The following LONP2 variants were observed in gnomAD, a reference collection of about 807,000 sequenced individuals.
LONP2 encodes the protein lon peptidase 2, peroxisomal, also known as lon protease homolog 2, peroxisomal.
In LONP2, 60 loss-of-function variants were observed where a neutral mutation model predicts 85.6. The observed-to-expected ratio is 0.70, with a 90% CI of 0.57 to 0.87. LONP2 has a LOEUF of 0.87. Ranked by LOEUF, LONP2 falls within the 40% of genes least tolerant of loss-of-function variation. LONP2 has a pLI of 0.00. For synonymous variants in LONP2, 395 were observed against 389.7 expected, an observed-to-expected ratio of 1.01 and a Z score of -0.16; for missense variants, 860 against 1,063.5, an observed-to-expected ratio of 0.81 and a Z score of 2.66.
chr16:48,315,076 T>C (rs1201657204), intron 11 of LONP2, among the ~76,000 whole-genome samples: 1 of 152,250 alleles, frequency 6.6e-6, no homozygotes, highest in East Asian at 1.9e-4. Flanking sequence ...GATAAAAGCC[T>C]ATGAAGAAAT....
At chr16:48,278,404 C>G (rs1424058044) in intron 8 of LONP2, among the ~76,000 whole-genome samples, 1 of 152,140 alleles carries the variant, frequency 6.6e-6, no homozygotes, top group Admixed American at 6.6e-5. Flanking sequence ...ATTTCTTGCT[C>G]TTTCTTGGTC....
downstream of LONP2, among the ~76,000 whole-genome samples, chr16:48,358,944 TTAATAG>T (rs1346090181): frequency 2.6e-5 from 4 of 152,134 alleles, no homozygotes; most frequent in Admixed American, 6.6e-5. Flanking sequence ...ATCAAAACAC[TTAATAG>T]TAAAACTACA....
Position 48,347,686 on chromosome 16 carries a change from C to T in LONP2, c.2118C>T (p.Ser706=). The T allele has an allele frequency of 1.9e-6, 3 of 1,613,892 alleles. No homozygotes were observed. Among genetic ancestry groups the T allele is most frequent in the Non-Finnish European group, 2.5e-6 (3 of 1,179,968 alleles). Residue 706 remains serine (S), a synonymous_variant, in exon 13 of 15, where the codon AGC becomes AGT. Transcript: ENST00000285737. The part of the protein sequence containing the change: ...SAHLAISWLR[S]NAKKYQLTNA... ...ACCTCGCTATCAGCTGGCTCCGCAG[C>T]AACGCAAAGAAGTACCAGCTGACCA...
chr16:48,347,839 G>A (rs1435854772), intron 13 of LONP2, 125 bp downstream of exon 13: 2 of 924,250 alleles, frequency 2.2e-6, no homozygotes, highest in African/African-American at 1.7e-5. Context: ...TTGAACCCCT[G>A]TGGAAATCCT....
chr16:48,330,568 G>C (rs182972540), intron 11 of LONP2, among the ~76,000 whole-genome samples: 1 of 152,302 alleles, frequency 6.6e-6, no homozygotes, highest in East Asian at 1.9e-4. Context: ...TGATATCTTT[G>C]TGAGATGACA....
chr16:48,283,608 C>G (rs2150986391), intron 8 of LONP2, among the ~76,000 whole-genome samples: 1 of 152,252 alleles, frequency 6.6e-6, no homozygotes, highest in East Asian at 1.9e-4. Flanking sequence ...GTACTTTAAG[C>G]CCACTGTTGA....
intron 11 of LONP2, among the ~76,000 whole-genome samples, chr16:48,322,439 C>T (rs1973285631): frequency 6.6e-6 from 1 of 152,208 alleles, no homozygotes; most frequent in East Asian, 1.9e-4. Context: ...TCCACTTCCA[C>T]ATCTTGGCCC....
chr16:48,323,657 CA>C (rs34757576), intron 11 of LONP2, among the ~76,000 whole-genome samples: 1,517 of 72,598 alleles, frequency 0.021, 15 homozygotes, highest in African/African-American at 0.065. Context: ...ACTCTGTCTC[CA>C]AAAAAAAAAA....
At position 48,354,087 on chromosome 16, in the gene LONP2, G is replaced by A. The variant is rs1960245348; in HGVS notation, c.*2285G>A. On this transcript the variant is annotated 3_prime_UTR_variant, in exon 15 of 15. Transcript: ENST00000285737. ...CCTGGGTTTTTTTTTTTTGGGGGGG[G>A]TGGGGGGTTAGGGGTGGGGCGGGTG... The A allele has an allele frequency of 7.8e-6, 1 of 128,858 alleles. No individual in the cohort carries two copies. Among genetic ancestry groups the A allele is most frequent in the African/African-American group, 3.0e-5 (1 of 33,222 alleles). 8.0% of individuals were successfully genotyped at this position (128,858 alleles called of 1,614,324 possible). A position where few individuals can be genotyped will look rare whatever the true frequency, so the allele number is the denominator to read the frequency against.
intron 12 of LONP2, among the ~76,000 whole-genome samples, chr16:48,341,232 G>A (rs956619262): frequency 3.3e-5 from 5 of 152,084 alleles, no homozygotes; most frequent in Non-Finnish European, 4.4e-5. Flanking sequence ...CCCAGGAGGC[G>A]GAGGTTGCAA....
At chr16:48,248,048 T>G (rs1220305496) in intron 1 of LONP2, among the ~76,000 whole-genome samples, 1 of 152,198 alleles carries the variant, frequency 6.6e-6, no homozygotes, top group Non-Finnish European at 1.5e-5. Context: ...AAATTTATCC[T>G]TTAAATTTTA....
At chr16:48,334,543 G>A (rs1959579383) in intron 12 of LONP2, 185 bp downstream of exon 12, 5 of 728,572 alleles carry the variant, frequency 6.9e-6, no homozygotes, top group Admixed American at 2.1e-5. Context: ...CTGCATGGGG[G>A]CGCAGGCGAG....
intron 11 of LONP2, among the ~76,000 whole-genome samples, chr16:48,325,583 G>A (rs1473283662): frequency 6.6e-6 from 1 of 152,186 alleles, no homozygotes; most frequent in African/African-American, 2.4e-5. Flanking sequence ...TGCCACATGT[G>A]ACAGGATTTT....
At chr16:48,331,780 G>T (rs551101821) in intron 11 of LONP2, among the ~76,000 whole-genome samples, 2 of 152,236 alleles carry the variant, frequency 1.3e-5, no homozygotes, top group South Asian at 4.1e-4. Flanking sequence ...TAGCCAGGAT[G>T]GTCTCGATCT....
downstream of LONP2, among the ~76,000 whole-genome samples, chr16:48,358,533 A>T (rs1002027752): frequency 6.6e-6 from 1 of 152,238 alleles, no homozygotes; most frequent in Non-Finnish European, 1.5e-5. Context: ...TTTGAAAATA[A>T]ACATGTGGCT....
At chr16:48,254,427 A>G (rs1971715318) in intron 2 of LONP2, among the ~76,000 whole-genome samples, 1 of 149,018 alleles carries the variant, frequency 6.7e-6, no homozygotes, top group Non-Finnish European at 1.5e-5. Flanking sequence ...GCAGTGGTGC[A>G]ATTTCGGCTC....
chr16:48,328,116 T>G (rs1473471836), intron 11 of LONP2, among the ~76,000 whole-genome samples: 1 of 152,006 alleles, frequency 6.6e-6, no homozygotes, highest in African/African-American at 2.4e-5. Context: ...AAAGGAAAAC[T>G]AAGAATGAAA....
intron 14 of LONP2, among the ~76,000 whole-genome samples, chr16:48,349,354 T>C (rs1264199638): frequency 6.6e-6 from 1 of 152,190 alleles, no homozygotes; most frequent in African/African-American, 2.4e-5. Flanking sequence ...CACTGCAACC[T>C]CTGCCTCCCA....
intron 11 of LONP2, among the ~76,000 whole-genome samples, chr16:48,318,768 CCTCTT>C (rs1973199297): frequency 6.6e-6 from 1 of 152,162 alleles, no homozygotes; most frequent in South Asian, 2.1e-4. Flanking sequence ...TATGCAAGCG[CCTCTT>C]CTCTTAGCCT....
Sources: gnomAD v4.1 joint callset for allele counts (sites outside exome capture counted in the v4.1 genomes callset) on GRCh38, gnomAD v4.1.1 for gene constraint, MANE v1.5 for transcripts, NCBI Gene and HGNC (gene_info 2026-07-23, HGNC 2026-07-21) for gene names.